The following PPM1H variants were observed in gnomAD, a reference collection of about 807,000 sequenced individuals.
The protein encoded by PPM1H is protein phosphatase, Mg2+/Mn2+ dependent 1H.
A neutral mutation model predicts 54.9 loss-of-function variants in PPM1H; 27 were observed. The observed-to-expected ratio is 0.49, with a 90% CI of 0.36 to 0.68. The LOEUF (loss-of-function observed/expected upper bound fraction) is 0.68, where lower values mean the gene tolerates loss of function less well. Ranked by LOEUF, PPM1H falls within the 30% of genes least tolerant of loss-of-function variation. The pLI, the probability that PPM1H is intolerant of heterozygous loss-of-function variation, is 0.00. For missense variants in PPM1H, 596 were observed against 667.8 expected, an observed-to-expected ratio of 0.89 and a Z score of 1.19; for synonymous variants, 305 against 270.8, an observed-to-expected ratio of 1.13 and a Z score of -1.24.
intron 6 of PPM1H, among the ~76,000 whole-genome samples, chr12:62,702,581 A>AGAGAGAGAGG (rs1555190172): frequency 6.6e-6 from 1 of 151,816 alleles, no homozygotes; most frequent in African/African-American, 2.4e-5. Context: ...AGAGAGAGAG[A>AGAGAGAGAGG]AATACCACTT....
rs558825150 is a variant in PPM1H at position 62,737,330 on chromosome 12, CACA to C, written c.954+169_954+171del. 6.6e-5 allele frequency among the ~76,000 whole-genome samples: 10 copies of C among 151,780 alleles called. No homozygotes were observed. The East Asian group carries it at 1.9e-3, about 29-fold the overall frequency. On this transcript the variant is annotated intron_variant, in intron 5 of 9. Coordinates refer to ENST00000228705, the MANE Select transcript of PPM1H (RefSeq NM_020700.2). The stretch of plus-strand genomic sequence containing the variant: ...AATTCACGGAGGTGGAGTGTGTCGT[CACA>C]CACGGAGCCAGGATGTGTGATCCAG...
At chr12:62,835,244 G>C (rs1868468105) in intron 1 of PPM1H, among the ~76,000 whole-genome samples, 1 of 152,168 alleles carries the variant, frequency 6.6e-6, no homozygotes, top group Admixed American at 6.5e-5. Flanking sequence ...TTCGTCTCCT[G>C]TCTTTCCCTG....
chr12:62,718,863 A>G (rs1483032451), intron 6 of PPM1H, among the ~76,000 whole-genome samples: 1 of 152,168 alleles, frequency 6.6e-6, no homozygotes, highest in Admixed American at 6.5e-5. Context: ...GCAAAGGTGA[A>G]CCCTTTCTGA....
chr12:62,791,734 A>T (rs146329942), intron 3 of PPM1H, among the ~76,000 whole-genome samples: 33 of 152,298 alleles, frequency 2.2e-4, no homozygotes, highest in African/African-American at 7.7e-4. Flanking sequence ...CAGCCTGATC[A>T]ACATGATGAA....
chr12:62,876,570 G>A (rs1216077731), intron 1 of PPM1H, among the ~76,000 whole-genome samples: 1 of 152,182 alleles, frequency 6.6e-6, no homozygotes, highest in African/African-American at 2.4e-5. Context: ...AAACACAAGT[G>A]GGCAGGAGAG....
At chr12:62,817,178 A>G (rs2076874592) in intron 2 of PPM1H, among the ~76,000 whole-genome samples, 1 of 139,214 alleles carries the variant, frequency 7.2e-6, no homozygotes, top group South Asian at 2.3e-4. Context: ...AAAAAAAAAA[A>G]CTGGCCAGGC....
intron 1 of PPM1H, among the ~76,000 whole-genome samples, chr12:62,842,558 C>T (rs1408163999): frequency 6.6e-6 from 1 of 152,198 alleles, no homozygotes; most frequent in Non-Finnish European, 1.5e-5. Flanking sequence ...CCTAGGCTTT[C>T]TCCTTGTTGC....
chr12:62,761,715 G>C (rs1053954083), intron 4 of PPM1H, among the ~76,000 whole-genome samples: 1 of 152,184 alleles, frequency 6.6e-6, no homozygotes. Flanking sequence ...GGAGCGTTTT[G>C]CAAGAGTTTA....
chr12:62,897,844 G>A (rs1471627256), intron 1 of PPM1H, among the ~76,000 whole-genome samples: 3 of 152,162 alleles, frequency 2.0e-5, no homozygotes, highest in Admixed American at 1.3e-4. Flanking sequence ...GAGAAGCCAT[G>A]ATGGGCTACT....
chr12:62,800,263 G>A (rs1374848895), intron 3 of PPM1H, among the ~76,000 whole-genome samples: 1 of 151,974 alleles, frequency 6.6e-6, no homozygotes, highest in Non-Finnish European at 1.5e-5. Flanking sequence ...TCCGGTTCTG[G>A]CAAGACGCTT....
At chr12:62,664,211 T>C (rs999019874) in intron 9 of PPM1H, among the ~76,000 whole-genome samples, 1 of 152,160 alleles carries the variant, frequency 6.6e-6, no homozygotes, top group Non-Finnish European at 1.5e-5. Flanking sequence ...GCTCATGGCA[T>C]AGAGGGATAA....
chr12:62,917,328 C>A (rs977254747), intron 1 of PPM1H, among the ~76,000 whole-genome samples: 7 of 152,234 alleles, frequency 4.6e-5, no homozygotes, highest in Non-Finnish European at 7.4e-5. Context: ...CACCTACAGA[C>A]AACTTGGGGC....
At chr12:62,807,308 G>A (rs2076810505) in intron 2 of PPM1H, among the ~76,000 whole-genome samples, 1 of 152,204 alleles carries the variant, frequency 6.6e-6, no homozygotes, top group Non-Finnish European at 1.5e-5. Context: ...GCTATTCTGT[G>A]AGATTAGAAA....
At position 62,788,101 on chromosome 12, in the gene PPM1H, A is replaced by G. The variant is rs1211033264; in HGVS notation, c.869+125T>C. On this transcript the variant is annotated intron_variant, in intron 4 of 9. Transcript: ENST00000228705. The stretch of plus-strand genomic sequence containing the variant: ...GTAATATCAACCTGATTGTCCTTAA[A>G]TGCATTTTCATTCTGATGTAGAAGG... 7.3e-6 allele frequency: 5 copies of G among 682,520 alleles called. No homozygotes were observed. The Admixed American group carries it at 7.7e-5, about 11-fold the overall frequency. 42.3% of individuals were successfully genotyped at this position (682,520 alleles called of 1,614,324 possible).
At chr12:62,824,238 A>G (rs1339537561) in intron 2 of PPM1H, among the ~76,000 whole-genome samples, 3 of 152,192 alleles carry the variant, frequency 2.0e-5, no homozygotes, top group Non-Finnish European at 4.4e-5. Context: ...CCACTGCTCA[A>G]TGAAATAAAA....
chr12:62,700,613 T>C (rs1431305804), intron 6 of PPM1H, among the ~76,000 whole-genome samples: 1 of 152,180 alleles, frequency 6.6e-6, no homozygotes, highest in Non-Finnish European at 1.5e-5. Flanking sequence ...CCTAGCACCA[T>C]AGTTTCTTGC....
intron 4 of PPM1H, among the ~76,000 whole-genome samples, chr12:62,774,975 A>G: frequency 6.6e-6 from 1 of 152,156 alleles, no homozygotes; most frequent in East Asian, 1.9e-4. Context: ...TAAAAAAGGG[A>G]AACTGGACTA....
chr12:62,660,637 A>T (rs1204442953), intron 9 of PPM1H, among the ~76,000 whole-genome samples: 1 of 152,198 alleles, frequency 6.6e-6, no homozygotes, highest in Non-Finnish European at 1.5e-5. Context: ...GGATATCCAC[A>T]TGCAGAAAAA....
At chr12:62,658,300 T>A (rs1276910619) in intron 9 of PPM1H, among the ~76,000 whole-genome samples, 1 of 150,580 alleles carries the variant, frequency 6.6e-6, no homozygotes, top group African/African-American at 2.4e-5. Context: ...ACTGGGAATG[T>A]GAATCCATGT....
Sources: allele counts gnomAD v4.1 joint callset (sites outside exome capture counted in the v4.1 genomes callset), GRCh38; gene constraint gnomAD v4.1.1; transcripts MANE v1.5; gene names NCBI Gene and HGNC (gene_info 2026-07-23, HGNC 2026-07-21).